The following PAAF1 variants were observed in gnomAD, a reference collection of about 807,000 sequenced individuals.
PAAF1 encodes the protein proteasomal ATPase-associated factor 1.
Under a neutral mutation model 52.8 loss-of-function variants are expected in PAAF1, and 46 were observed. The observed-to-expected ratio is 0.87, with a 90% CI of 0.69 to 1.11. PAAF1 has a LOEUF of 1.11. PAAF1 is among the 50% of genes most tolerant of loss of function. The pLI, the probability that PAAF1 is intolerant of heterozygous loss-of-function variation, is 0.00. For missense variants in PAAF1, 424 were observed against 477.4 expected (o/e 0.89, Z 1.04); for synonymous variants, 178 against 172.8 (o/e 1.03, Z -0.24).
At chr11:73,887,267 T>C in intron 2 of PAAF1, 87 bp from the exon 3 acceptor site, 1 of 936,510 alleles carries the variant, frequency 1.1e-6, no homozygotes, top group Non-Finnish European at 1.6e-6. Context: ...GGTATACTAT[T>C]TATACAGATG....
At chr11:73,897,288 C>A (rs1276589620) in intron 4 of PAAF1, among the ~76,000 whole-genome samples, 5 of 151,614 alleles carry the variant, frequency 3.3e-5, no homozygotes, top group Non-Finnish European at 7.4e-5. Flanking sequence ...GGGGGCTGAC[C>A]CCCCCACTTC....
At chr11:73,903,235 G>T (rs927725787) in intron 6 of PAAF1, among the ~76,000 whole-genome samples, 16 of 152,162 alleles carry the variant, frequency 1.1e-4, no homozygotes, top group African/African-American at 3.9e-4. Flanking sequence ...TTTCCAGTTC[G>T]TTGAATAAAG....
At chr11:73,887,285 T>A in intron 2 of PAAF1, 69 bp from the exon 3 acceptor site, 1 of 1,140,644 alleles carries the variant, frequency 8.8e-7, no homozygotes, top group Non-Finnish European at 1.3e-6. Flanking sequence ...ATGCCTGAAT[T>A]GGGTCTTCAA....
At chr11:73,924,284 G>A (rs776312744) in intron 10 of PAAF1, among the ~76,000 whole-genome samples, 14 of 151,942 alleles carry the variant, frequency 9.2e-5, no homozygotes, top group East Asian at 1.9e-4. Flanking sequence ...GTGAAACCCC[G>A]TCTCTACAAA....
At chr11:73,914,651 T>G in intron 8 of PAAF1, 147 bp downstream of exon 8, 2 of 575,618 alleles carry the variant, frequency 3.5e-6, no homozygotes, top group Non-Finnish European at 6.3e-6. Flanking sequence ...GTGTAATGAT[T>G]AAGAGTTGTG....
chr11:73,911,825 G>C (rs1452007032), intron 7 of PAAF1, among the ~76,000 whole-genome samples: 1 of 151,738 alleles, frequency 6.6e-6, no homozygotes, highest in African/African-American at 2.4e-5. Flanking sequence ...GTACAGATGA[G>C]GTTTCACCAT....
intron 3 of PAAF1, among the ~76,000 whole-genome samples, chr11:73,888,346 C>G (rs1488442868): frequency 6.6e-6 from 1 of 152,128 alleles, no homozygotes; most frequent in Non-Finnish European, 1.5e-5. Context: ...AACAATGTAG[C>G]CTTATAATCC....
chr11:73,901,352 T>C (rs1949607934), intron 6 of PAAF1, among the ~76,000 whole-genome samples: 1 of 152,238 alleles, frequency 6.6e-6, no homozygotes, highest in Non-Finnish European at 1.5e-5. Context: ...TATTTAGGTA[T>C]GTTTTATCCT....
intron 6 of PAAF1, among the ~76,000 whole-genome samples, chr11:73,908,285 G>GTA (rs10543174): frequency 3.1e-4 from 45 of 145,886 alleles, no homozygotes; most frequent in African/African-American, 8.3e-4. Flanking sequence ...GTGTATATAT[G>GTA]TATATATATG....
rs979094493 is a variant in PAAF1, at chr11:73,877,061, G to A, written c.40G>A (p.Ala14Thr). The A allele has an allele frequency of 1.3e-6, 2 of 1,538,506 alleles. No individual in the cohort carries two copies. The highest frequency in any genetic ancestry group is 1.2e-5 in the South Asian group (1 of 81,868). The stretch of plus-strand genomic sequence containing the variant: ...GAGGATTCAGAGCGACTGGGCGCAA[G>A]CCCTCAGGTGAATCCAGGCCCAGAA... ...PLRIQSDWAQ[A>T]LRKDEGEAWL... is the part of the protein sequence containing the mutation. The change falls in exon 1 of 12, where the codon GCC becomes ACC. Residue 14 changes from alanine to threonine, a missense_variant. Transcript: ENST00000310571.
intron 10 of PAAF1, among the ~76,000 whole-genome samples, chr11:73,922,980 C>T (rs917125429): frequency 2.0e-5 from 3 of 152,068 alleles, no homozygotes; most frequent in South Asian, 2.1e-4. Flanking sequence ...CAGAATGGCA[C>T]GATGAACCTG....
chr11:73,889,345 CATT>C lies in PAAF1; in HGVS notation c.193-1764_193-1762del, dbSNP rs1259077341. The C allele has an allele frequency of 6.5e-5, 45 of 696,998 alleles. No individual in the cohort carries two copies. The African/African-American group carries it at 7.7e-4, about 12-fold the overall frequency. The allele number at this position is 696,998 out of a possible 1,614,324, so 43.2% of individuals were successfully genotyped here. On this transcript the variant is annotated intron_variant, in intron 3 of 11. Transcript: ENST00000310571. ...TTGTTCTCTTAAACAGTAGATCTGT[CATT>C]ATGCTTAAATGTCTAACCCTGGAGC...
At chr11:73,924,912 G>A (rs1431108199) in intron 11 of PAAF1, among the ~76,000 whole-genome samples, 2 of 152,036 alleles carry the variant, frequency 1.3e-5, no homozygotes, top group Non-Finnish European at 2.9e-5. Flanking sequence ...CAGTACTTTG[G>A]GAGGCCGAGA....
intron 2 of PAAF1, among the ~76,000 whole-genome samples, chr11:73,882,311 C>CTTT (rs34242715): frequency 1.7e-5 from 2 of 119,562 alleles, no homozygotes; most frequent in African/African-American, 3.1e-5. Context: ...CGTGCCTGCA[C>CTTT]TTTTTTTTTT....
chr11:73,887,066 C>G (rs762713515), intron 2 of PAAF1: 2 of 454,908 alleles, frequency 4.4e-6, no homozygotes, highest in South Asian at 3.3e-5. Flanking sequence ...GAAGCAGATG[C>G]TGGTGCCATG....
In PAAF1 at chr11:73,898,244, G is replaced by A. The variant is rs945657424; in HGVS notation, c.283-902G>A. Among the ~76,000 whole-genome samples, 4 of 136,504 alleles carry A rather than the reference G, an allele frequency of 2.9e-5. No homozygotes were observed. In the South Asian group the frequency reaches 7.1e-4, roughly 24 times the overall value. The allele number at this position is 136,504 out of a possible 152,430, so 89.6% of individuals were successfully genotyped here. A position where few individuals can be genotyped will look rare whatever the true frequency, so the allele number is the denominator to read the frequency against. Reference sequence around the variant, plus strand: ...AGGGAGAGGGAGAGGGAGAGGGAGAGGGAGAAGGAGAGGGAGAGGGAGAGG... The same window carrying A: ...AGGGAGAGGGAGAGGGAGAGGGAGAAGGAGAAGGAGAGGGAGAGGGAGAGG... On this transcript the variant is annotated intron_variant, in intron 4 of 11. Coordinates refer to ENST00000310571, the MANE Select transcript of PAAF1 (RefSeq NM_025155.3).
chr11:73,893,285 G>A (rs1042302651), intron 4 of PAAF1, among the ~76,000 whole-genome samples: 2 of 152,150 alleles, frequency 1.3e-5, no homozygotes, highest in Non-Finnish European at 2.9e-5. Context: ...AGAGTCAATT[G>A]TTGCTCTTCA....
At chr11:73,881,647 G>A (rs1268058426) in intron 2 of PAAF1, among the ~76,000 whole-genome samples, 2 of 152,078 alleles carry the variant, frequency 1.3e-5, no homozygotes, top group Non-Finnish European at 2.9e-5. Flanking sequence ...TAATGTTGTT[G>A]TTGTTGTTGT....
chr11:73,878,742 T>G (rs768931532), intron 1 of PAAF1, 37 bp from the exon 2 acceptor site: 3 of 1,603,778 alleles, frequency 1.9e-6, no homozygotes, highest in Non-Finnish European at 2.6e-6. Context: ...TATTCAACTT[T>G]GGGTAAGCCT....
Sources: allele counts gnomAD v4.1 joint callset (sites outside exome capture counted in the v4.1 genomes callset), GRCh38; gene constraint gnomAD v4.1.1; transcripts MANE v1.5; gene names NCBI Gene and HGNC (gene_info 2026-07-23, HGNC 2026-07-21).